The following KIF21A variants were observed in gnomAD, a reference collection of about 807,000 sequenced individuals.
The protein encoded by KIF21A is kinesin-like protein KIF21A.
KIF21A carries 114 observed loss-of-function variants against 202.9 expected under a neutral mutation model. The ratio of observed to expected loss-of-function variants is 0.56; its 90% CI spans 0.48 to 0.66. The LOEUF (loss-of-function observed/expected upper bound fraction) is 0.66, where lower values mean the gene tolerates loss of function less well. Ranked by LOEUF, KIF21A falls within the 30% of genes least tolerant of loss-of-function variation. KIF21A has a pLI of 0.00. For synonymous variants in KIF21A, 667 were observed against 670.8 expected, an observed-to-expected ratio of 0.99 and a Z score of 0.09; for missense variants, 1,677 against 1,994.9, an observed-to-expected ratio of 0.84 and a Z score of 3.04.
At chr12:39,434,423 C>T (rs911915268) in intron 1 of KIF21A, among the ~76,000 whole-genome samples, 1 of 152,186 alleles carries the variant, frequency 6.6e-6, no homozygotes, top group African/African-American at 2.4e-5. Flanking sequence ...GGGACACATT[C>T]AAACCATAAC....
At position 39,362,286 on chromosome 12, in the gene KIF21A, C is replaced by T. The variant is rs572549902; in HGVS notation, c.1019+812G>A. On this transcript the variant is annotated intron_variant, in intron 7 of 37. Coordinates refer to ENST00000361418, the MANE Select transcript of KIF21A (RefSeq NM_001173464.2). ...GCAAGAACGAACTAACACAGTTGTT[C>T]AAAAAGAAACCTTGCTAGTTTAAAT... is the stretch of plus-strand genomic sequence containing the variant. 3.3e-5 allele frequency among the ~76,000 whole-genome samples: 5 copies of T among 152,152 alleles called. No individual in the cohort carries two copies. In the South Asian group the frequency reaches 1.0e-3, roughly 32 times the overall value.
chr12:39,357,908 C>CAAAAAAAAAAAAAAAAA (rs56035929), intron 8 of KIF21A, among the ~76,000 whole-genome samples: 7 of 36,706 alleles, frequency 1.9e-4, no homozygotes, highest in Admixed American at 4.4e-4. Context: ...GACTCCATCT[C>CAAAAAAAAAAAAAAAAA]AAAAAAAAAA....
Position 39,309,670 on chromosome 12 carries a change from T to A in KIF21A, c.4193A>T (p.Tyr1398Phe), listed in dbSNP as rs925281361. 2 of 1,613,314 alleles carry A rather than the reference T, an allele frequency of 1.2e-6. No homozygotes were observed. Among genetic ancestry groups the A allele is most frequent in the African/African-American group, 2.7e-5 (2 of 75,004 alleles). Residue 1398 changes from tyrosine (Y) to phenylalanine (F), a missense_variant, in exon 33 of 38, where the codon TAT becomes TTT. Physicochemically the swap from Tyr to Phe is conservative, Grantham distance 22 (BLOSUM62 3). Around this residue, in one of 3 missense-constraint regions of KIF21A, gnomAD observed 705 missense variants for 791.9 expected, o/e 0.89. Coordinates refer to ENST00000361418, the MANE Select transcript of KIF21A (RefSeq NM_001173464.2). ...TGATACAGTGAAGACCAAACTGGTA[T>A]AATTACAGTATTTTACAGACACGAC... ...NNVVSVKYCNYTSLVFTVSTS... is the reference protein window; with the variant it reads ...NNVVSVKYCNFTSLVFTVSTS...
intron 1 of KIF21A, among the ~76,000 whole-genome samples, chr12:39,419,388 T>C (rs995943626): frequency 6.6e-6 from 1 of 152,226 alleles, no homozygotes; most frequent in African/African-American, 2.4e-5. Flanking sequence ...CTAGTTCCTA[T>C]AATTTCCATT....
chr12:39,294,552 C>G (rs745737953), intron 37 of KIF21A, 35 bp from the exon 38 acceptor site: 1 of 1,465,028 alleles, frequency 6.8e-7, no homozygotes, highest in Non-Finnish European at 9.6e-7. Context: ...GATATATGAA[C>G]AAGGGCAGAA....
chr12:39,317,628 CA>C, intron 29 of KIF21A, among the ~76,000 whole-genome samples: 1 of 152,174 alleles, frequency 6.6e-6, no homozygotes, highest in Middle Eastern at 3.4e-3. Flanking sequence ...AATCAGATGA[CA>C]AAAACGTGTT....
intron 1 of KIF21A, among the ~76,000 whole-genome samples, chr12:39,438,413 C>G (rs1939114271): frequency 6.6e-6 from 1 of 152,160 alleles, no homozygotes; most frequent in Non-Finnish European, 1.5e-5. Context: ...GTTCTTACAA[C>G]TCTTAATATC....
intron 33 of KIF21A, among the ~76,000 whole-genome samples, chr12:39,308,105 A>G (rs1157944539): frequency 6.6e-6 from 1 of 152,026 alleles, no homozygotes; most frequent in African/African-American, 2.4e-5. Context: ...GTAGTGGCTC[A>G]CTCCTGTAAT....
At chr12:39,435,439 A>T (rs1212425111) in intron 1 of KIF21A, among the ~76,000 whole-genome samples, 1 of 152,224 alleles carries the variant, frequency 6.6e-6, no homozygotes, top group Non-Finnish European at 1.5e-5. Context: ...TTTCTGCATG[A>T]CATCAGTCTA....
chr12:39,418,192 T>TAA (rs879636714), intron 1 of KIF21A, among the ~76,000 whole-genome samples: 1 of 112,608 alleles, frequency 8.9e-6, no homozygotes, highest in Non-Finnish European at 1.9e-5. Flanking sequence ...AGACCCTGAC[T>TAA]AAAAAAAAAA....
At chr12:39,313,730 C>T (rs369423646) in intron 31 of KIF21A, among the ~76,000 whole-genome samples, 6 of 151,634 alleles carry the variant, frequency 4.0e-5, no homozygotes, top group African/African-American at 9.7e-5. Flanking sequence ...TTTTATATGC[C>T]GACTCACTAT....
intron 1 of KIF21A, among the ~76,000 whole-genome samples, chr12:39,436,647 A>T (rs1360872977): frequency 6.7e-6 from 1 of 150,130 alleles, no homozygotes; most frequent in East Asian, 1.9e-4. Context: ...AAAAAAAAAA[A>T]AAAAAGAACA....
chr12:39,376,116 A>G (rs1210500354), intron 1 of KIF21A, among the ~76,000 whole-genome samples: 2 of 152,136 alleles, frequency 1.3e-5, no homozygotes. Flanking sequence ...GGATACCTTG[A>G]GTCCCCAAGA....
chr12:39,398,696 AAGTATAT>A (rs1951939808), intron 1 of KIF21A, among the ~76,000 whole-genome samples: 1 of 152,222 alleles, frequency 6.6e-6, no homozygotes, highest in Non-Finnish European at 1.5e-5. Flanking sequence ...GAAGATGAAT[AAGTATAT>A]AGTTTACAAG....
intron 26 of KIF21A, among the ~76,000 whole-genome samples, chr12:39,325,544 C>T (rs1342371634): frequency 1.4e-5 from 2 of 139,506 alleles, no homozygotes; most frequent in East Asian, 2.1e-4. Context: ...GGGTTTTCGC[C>T]GTGTTAGTCA....
intron 1 of KIF21A, among the ~76,000 whole-genome samples, chr12:39,387,334 A>C (rs141102482): frequency 3.3e-5 from 5 of 152,202 alleles, no homozygotes; most frequent in African/African-American, 1.2e-4. Context: ...TCCAATGTCC[A>C]CTTTAAATTT....
At chr12:39,419,439 G>A (rs1954059875) in intron 1 of KIF21A, among the ~76,000 whole-genome samples, 1 of 152,136 alleles carries the variant, frequency 6.6e-6, no homozygotes, top group South Asian at 2.1e-4. Flanking sequence ...TCCCTTGAGG[G>A]TTGATTGAAG....
At chr12:39,298,696 A>T (rs772726620) in intron 37 of KIF21A, among the ~76,000 whole-genome samples, 1 of 152,182 alleles carries the variant, frequency 6.6e-6, no homozygotes, top group African/African-American at 2.4e-5. Flanking sequence ...GTACAACAAA[A>T]TTGAGATACT....
intron 1 of KIF21A, among the ~76,000 whole-genome samples, chr12:39,434,943 G>A (rs1938475810): frequency 6.6e-6 from 1 of 152,146 alleles, no homozygotes; most frequent in African/African-American, 2.4e-5. Context: ...TGAAAAAAAT[G>A]TAATTCCTTC....
Sources: allele counts gnomAD v4.1 joint callset (sites outside exome capture counted in the v4.1 genomes callset), GRCh38; gene constraint gnomAD v4.1.1; regional missense constraint gnomAD v4.1.1; transcripts MANE v1.5; gene names NCBI Gene and HGNC (gene_info 2026-07-23, HGNC 2026-07-21).